The following KIF26B variants were observed in gnomAD, a reference collection of about 807,000 sequenced individuals.
KIF26B encodes kinesin-like protein KIF26B.
Under a neutral mutation model 151.2 loss-of-function variants are expected in KIF26B, and 63 were observed. The observed-to-expected ratio is 0.42, with a 90% CI of 0.34 to 0.51. The LOEUF (loss-of-function observed/expected upper bound fraction) is 0.51, where lower values mean the gene tolerates loss of function less well. Among genes scored for constraint, KIF26B ranks in the 20% least tolerant of loss-of-function variants. The pLI is 0.07. For synonymous variants in KIF26B, 1,357 were observed against 1,262.1 expected (o/e 1.08, Z -1.59); for missense variants, 2,813 against 2,913.6 (o/e 0.97, Z 0.79).
chr1:245,279,176 C>T (rs1468106917), intron 2 of KIF26B, among the ~76,000 whole-genome samples: 2 of 152,064 alleles, frequency 1.3e-5, no homozygotes, highest in African/African-American at 4.8e-5. Context: ...CCATATGTGT[C>T]TGAAAAGAAC....
At chr1:245,315,243 A>T (rs768954341) in intron 2 of KIF26B, among the ~76,000 whole-genome samples, 1 of 150,730 alleles carries the variant, frequency 6.6e-6, no homozygotes, top group Non-Finnish European at 1.5e-5. Context: ...TTACTGTTTA[A>T]TGGGTAGAGA....
chr1:245,634,513 A>G (rs1466864600), intron 9 of KIF26B, among the ~76,000 whole-genome samples: 1 of 152,170 alleles, frequency 6.6e-6, no homozygotes, highest in Non-Finnish European at 1.5e-5. Context: ...CTACTTATAT[A>G]TTGCTGAGGA....
intron 4 of KIF26B, among the ~76,000 whole-genome samples, chr1:245,501,244 T>G (rs1558190183): frequency 6.6e-6 from 1 of 152,196 alleles, no homozygotes; most frequent in South Asian, 2.1e-4. Context: ...TATGTGACCT[T>G]GAGAAAAGGT....
intron 2 of KIF26B, among the ~76,000 whole-genome samples, chr1:245,175,427 A>AG (rs1453776032): frequency 1.4e-4 from 22 of 152,272 alleles, no homozygotes; most frequent in Admixed American, 1.2e-3. Flanking sequence ...TGGATTATTC[A>AG]GGTAAGGTGG....
At position 245,250,275 on chromosome 1, in the gene KIF26B, C is replaced by T. The variant is rs567055384; in HGVS notation, c.465+93592C>T. ...TATTATATATAGTAAAGTACAATAC[C>T]GTATATTTTGTATGCTTTAAAATTA... On this transcript the variant is annotated intron_variant, in intron 2 of 14. Coordinates refer to ENST00000407071, the MANE Select transcript of KIF26B (RefSeq NM_018012.4). Among the ~76,000 whole-genome samples the T allele has an allele frequency of 5.9e-5, 9 of 152,110 alleles. No homozygotes were observed. The East Asian group carries it at 9.7e-4, about 16-fold the overall frequency.
intron 2 of KIF26B, among the ~76,000 whole-genome samples, chr1:245,284,528 C>T (rs1350557053): frequency 1.3e-5 from 2 of 152,130 alleles, no homozygotes; most frequent in Non-Finnish European, 2.9e-5. Flanking sequence ...TGAGAGGGGC[C>T]TGTATCCTCA....
chr1:245,508,286 G>A (rs1281029953), intron 4 of KIF26B, among the ~76,000 whole-genome samples: 3 of 152,148 alleles, frequency 2.0e-5, no homozygotes, highest in Non-Finnish European at 4.4e-5. Context: ...TGTCGCCCAG[G>A]CTGGAGTGCA....
At chr1:245,175,037 G>C (rs984042341) in intron 2 of KIF26B, among the ~76,000 whole-genome samples, 4 of 152,228 alleles carry the variant, frequency 2.6e-5, no homozygotes, top group African/African-American at 9.6e-5. Context: ...TGGCTAACTG[G>C]GAGTTTCTCC....
Position 245,609,421 on chromosome 1 carries a change from AAGG to A in KIF26B, c.1813_1815del (p.Glu605del), listed in dbSNP as rs2043494386. The A allele has an allele frequency of 5.6e-6, 9 of 1,608,794 alleles. No homozygotes were observed. The highest frequency in any genetic ancestry group is 7.6e-6 in the Non-Finnish European group (9 of 1,177,778). ...GGTTTCCGCCGTGGAAGTGTGGGGG[AAGG>A]AGGAGAACCTGCGGGACCTGCTGTC... On this transcript the variant is annotated inframe_deletion, in exon 8 of 15. Coordinates refer to ENST00000407071, the MANE Select transcript of KIF26B (RefSeq NM_018012.4).
At chr1:245,384,651 C>G (rs1404383695) in intron 3 of KIF26B, among the ~76,000 whole-genome samples, 1 of 152,212 alleles carries the variant, frequency 6.6e-6, no homozygotes, top group Non-Finnish European at 1.5e-5. Flanking sequence ...ACCTCACCAC[C>G]TGCATGGAGG....
chr1:245,368,772 C>T (rs1572027184), intron 3 of KIF26B, among the ~76,000 whole-genome samples: 1 of 152,050 alleles, frequency 6.6e-6, no homozygotes, highest in East Asian at 1.9e-4. Flanking sequence ...GAGGATCTCA[C>T]AGGAGGATTT....
chr1:245,320,968 G>A (rs566564272), intron 2 of KIF26B, among the ~76,000 whole-genome samples: 186 of 152,318 alleles, frequency 1.2e-3, no homozygotes, highest in Non-Finnish European at 1.7e-3. Context: ...GTAAGCCACC[G>A]TACCTGGCCT....
At chr1:245,527,775 C>A (rs1661273023) in intron 4 of KIF26B, among the ~76,000 whole-genome samples, 1 of 151,910 alleles carries the variant, frequency 6.6e-6, no homozygotes, top group South Asian at 2.1e-4. Context: ...CCTCGTGATC[C>A]ACCTGCCTCG....
intron 2 of KIF26B, among the ~76,000 whole-genome samples, chr1:245,229,262 G>A (rs541701347): frequency 3.9e-5 from 6 of 152,036 alleles, no homozygotes; most frequent in Admixed American, 3.3e-4. Flanking sequence ...GTGAGCCACC[G>A]CCCCCTGCCG....
Position 245,155,470 on chromosome 1 carries a change from A to T in KIF26B, c.46A>T (p.Arg16Trp). The change falls in exon 1 of 15, where the codon AGG becomes TGG. Residue 16 changes from arginine (R) to tryptophan (W), a missense_variant. By Grantham distance (101) the Arg-to-Trp change is moderately radical. This residue lies in a region of KIF26B where 676 missense variants were observed against 688.1 expected (regional missense o/e 0.98). Transcript: ENST00000407071. ...TAAAGAGAGGCTTGCGGTCTCCACC[A>T]GGGGCAAGAAATACGGGGTAAGTTG... ...GNKERLAVST[R>W]GKKYGVNEVC... is the part of the protein sequence containing the mutation. 2 of 1,611,950 alleles carry T rather than the reference A, an allele frequency of 1.2e-6. No individual in the cohort carries two copies. The highest frequency in any genetic ancestry group is 1.7e-4 in the Middle Eastern group (1 of 6,058).
At chr1:245,635,642 C>T (rs2043827571) in intron 9 of KIF26B, among the ~76,000 whole-genome samples, 1 of 151,508 alleles carries the variant, frequency 6.6e-6, no homozygotes, top group African/African-American at 2.4e-5. Flanking sequence ...TTCCTTTCTG[C>T]TATTTTTTTT....
intron 2 of KIF26B, among the ~76,000 whole-genome samples, chr1:245,278,959 C>T (rs1488837870): frequency 6.6e-6 from 1 of 152,184 alleles, no homozygotes; most frequent in Non-Finnish European, 1.5e-5. Flanking sequence ...GGACACTAAG[C>T]CCACAGCCCA....
intron 2 of KIF26B, among the ~76,000 whole-genome samples, chr1:245,309,106 C>T (rs930492156): frequency 1.3e-5 from 2 of 152,112 alleles, no homozygotes; most frequent in Non-Finnish European, 2.9e-5. Context: ...GTGCATTGTG[C>T]TCTAGAGGGG....
intron 4 of KIF26B, among the ~76,000 whole-genome samples, chr1:245,472,615 TAGTGATCTTATGTAGTATTTTCCCTCCAA>T (rs916074010): frequency 1.3e-5 from 2 of 152,184 alleles, no homozygotes; most frequent in Non-Finnish European, 2.9e-5. Context: ...ATGCTAACAA[TAGTGATCTTATGTAGTATTTTCCCTCCAA>T]AGAGATTTGA....
Sources: allele counts gnomAD v4.1 joint callset (sites outside exome capture counted in the v4.1 genomes callset), GRCh38; gene constraint gnomAD v4.1.1; regional missense constraint gnomAD v4.1.1; transcripts MANE v1.5; gene names NCBI Gene and HGNC (gene_info 2026-07-23, HGNC 2026-07-21).